Variants in RANBP2 observed in about 807,000 individuals in gnomAD.
The protein encoded by RANBP2 is E3 SUMO-protein ligase RanBP2.
Under a neutral mutation model 303.6 loss-of-function variants are expected in RANBP2, and 57 were observed. The observed-to-expected ratio is 0.19, with a 90% CI of 0.15 to 0.23. The LOEUF (loss-of-function observed/expected upper bound fraction) is 0.23. Among genes scored for constraint, RANBP2 ranks in the 10% least tolerant of loss-of-function variants. The probability of loss-of-function intolerance (pLI) is 1.00; values close to 1 mark genes in which losing one functional copy is unlikely to be tolerated. For missense variants in RANBP2, 3,138 were observed against 3,780.8 expected (o/e 0.83, Z 4.46); for synonymous variants, 1,167 against 1,301.5 (o/e 0.90, Z 2.23).
chr2:109,679,319 A>C, the RANBP2 span, among the ~76,000 whole-genome samples: 1 of 152,208 alleles, frequency 6.6e-6, no homozygotes, highest in Non-Finnish European at 1.5e-5. Flanking sequence ...CTGCAAATGA[A>C]CACAGAAGCA....
At chr2:109,750,729 A>ATTT in the RANBP2 span, among the ~76,000 whole-genome samples, 1 of 105,168 alleles carries the variant, frequency 9.5e-6, no homozygotes, top group African/African-American at 3.6e-5. Context: ...AATAATAATA[A>ATTT]TTTTTTTTTT....
the RANBP2 span, among the ~76,000 whole-genome samples, chr2:108,945,065 T>A: frequency 6.6e-6 from 1 of 152,166 alleles, no homozygotes; most frequent in Non-Finnish European, 1.5e-5. Context: ...GTCTGGTGCT[T>A]TCTGCCCTTG....
the RANBP2 span, among the ~76,000 whole-genome samples, chr2:108,850,902 A>G: frequency 2.0e-5 from 3 of 152,160 alleles, no homozygotes; most frequent in African/African-American, 4.8e-5. Context: ...AGCAGCAGAC[A>G]CAAGCTGCTC....
the RANBP2 span, among the ~76,000 whole-genome samples, chr2:109,249,588 C>CTTTCTTTCTTTT: frequency 1.6e-4 from 22 of 134,558 alleles, no homozygotes; most frequent in African/African-American, 6.7e-4. Context: ...TCCTTCCTTT[C>CTTTCTTTCTTTT]CTTTCTTTCT....
the RANBP2 span, among the ~76,000 whole-genome samples, chr2:109,579,385 CT>C: frequency 3.7e-3 from 521 of 139,256 alleles, no homozygotes; most frequent in African/African-American, 6.0e-3. Context: ...CCAGGCCCTC[CT>C]TTTTTTTTTT....
At chr2:109,674,289 A>C in the RANBP2 span, among the ~76,000 whole-genome samples, 1 of 151,734 alleles carries the variant, frequency 6.6e-6, no homozygotes, top group African/African-American at 2.4e-5. Context: ...ATTTCAGAAA[A>C]ATATTTCCTC....
At chr2:109,652,628 G>A in the RANBP2 span, among the ~76,000 whole-genome samples, 1 of 152,200 alleles carries the variant, frequency 6.6e-6, no homozygotes, top group Non-Finnish European at 1.5e-5. Flanking sequence ...CACGTGCACA[G>A]CCATGTGGCT....
chr2:109,008,324 A>G, the RANBP2 span, among the ~76,000 whole-genome samples: 1 of 152,206 alleles, frequency 6.6e-6, no homozygotes, highest in Non-Finnish European at 1.5e-5. Flanking sequence ...TTGTGGAATG[A>G]ATGGATGAAT....
chr2:108,794,013 T>G, the RANBP2 span, among the ~76,000 whole-genome samples: 33 of 152,154 alleles, frequency 2.2e-4, no homozygotes, highest in Non-Finnish European at 2.8e-4. Flanking sequence ...GTATACAGTG[T>G]TTGCAAAATA....
the RANBP2 span, among the ~76,000 whole-genome samples, chr2:109,394,851 C>T: frequency 3.5e-3 from 533 of 152,326 alleles, 7 homozygotes; most frequent in African/African-American, 0.012. Flanking sequence ...GTGCGCGAGA[C>T]GAGTCTGCAC....
At chr2:109,657,746 G>A in the RANBP2 span, among the ~76,000 whole-genome samples, 5 of 130,526 alleles carry the variant, frequency 3.8e-5, no homozygotes, top group Non-Finnish European at 7.8e-5. Context: ...TTGAGATGGA[G>A]TCTCACTCTG....
At chr2:109,419,535 C>A in the RANBP2 span, 1 of 1,589,418 alleles carries the variant, frequency 6.3e-7, no homozygotes, top group Non-Finnish European at 8.6e-7. Context: ...TTGTCTGTTT[C>A]CAGGATGTCT....
the RANBP2 span, among the ~76,000 whole-genome samples, chr2:109,080,443 C>T: frequency 2.0e-5 from 3 of 152,106 alleles, no homozygotes; most frequent in South Asian, 2.1e-4. Context: ...ATGCCTGTTC[C>T]GAGACCAAGA....
chr2:109,061,131 A>G, the RANBP2 span, among the ~76,000 whole-genome samples: 1 of 152,056 alleles, frequency 6.6e-6, no homozygotes, highest in African/African-American at 2.4e-5. Context: ...TAAAGTTTGT[A>G]GGTCAGAGAA....
chr2:109,625,903 C>T, the RANBP2 span, among the ~76,000 whole-genome samples: 9 of 152,192 alleles, frequency 5.9e-5, no homozygotes, highest in African/African-American at 2.2e-4. Context: ...ATGGTTACCT[C>T]CGGGAGAAGG....
chr2:108,971,897 G>C, the RANBP2 span, among the ~76,000 whole-genome samples: 1 of 152,208 alleles, frequency 6.6e-6, no homozygotes, highest in South Asian at 2.1e-4. Context: ...GTCACCAAAG[G>C]CACTGAGCTT....
At position 108,771,770 on chromosome 2, in the gene RANBP2, C is replaced by T. The variant is rs865941040; in HGVS notation, c.7919C>T (p.Pro2640Leu). 1 of 1,613,976 alleles carries T rather than the reference C, an allele frequency of 6.2e-7. No individual in the cohort carries two copies. Among genetic ancestry groups the T allele is most frequent in the Non-Finnish European group, 8.5e-7 (1 of 1,179,948 alleles). The change falls in exon 21 of 29, where the codon CCA becomes CTA. Residue 2640 changes from proline to leucine, a missense_variant. Physicochemically the swap from Pro to Leu is moderately conservative, Grantham distance 98. Coordinates refer to ENST00000283195, the MANE Select transcript of RANBP2 (RefSeq NM_006267.5). ...GTTCTCATTGTATATGAACTAACTCCAACCGCTGAGCAGAAAGCCCTTGCA... is the reference window on the plus strand; with the variant it reads ...GTTCTCATTGTATATGAACTAACTCTAACCGCTGAGCAGAAAGCCCTTGCA... ...DDVLIVYELT[P>L]TAEQKALATK...
chr2:109,116,517 T>C, the RANBP2 span, among the ~76,000 whole-genome samples: 1 of 152,360 alleles, frequency 6.6e-6, no homozygotes, highest in East Asian at 1.9e-4. Flanking sequence ...TTGGTTATTC[T>C]AGTTATACAT....
the RANBP2 span, among the ~76,000 whole-genome samples, chr2:109,724,858 G>A: frequency 2.1e-3 from 322 of 152,328 alleles, 3 homozygotes; most frequent in African/African-American, 7.4e-3. Context: ...GGAGGGCACG[G>A]AGGTATGCCA....
Sources: allele counts gnomAD v4.1 joint callset (sites outside exome capture counted in the v4.1 genomes callset), GRCh38; gene constraint gnomAD v4.1.1; transcripts MANE v1.5; gene names NCBI Gene and HGNC (gene_info 2026-07-23, HGNC 2026-07-21).